MROH1: variants seen among roughly 807,000 people sequenced by gnomAD.
The protein encoded by MROH1 is maestro heat like repeat family member 1, also known as maestro heat-like repeat-containing protein family member 1.
A neutral mutation model predicts 116.5 loss-of-function variants in MROH1; 117 were observed. That is an observed-to-expected ratio of 1.00 (90% confidence interval 0.86 to 1.17). The LOEUF (loss-of-function observed/expected upper bound fraction) is 1.17, where lower values mean the gene tolerates loss of function less well. Ranked by LOEUF, MROH1 falls within the 50% of genes most tolerant of loss-of-function variation. The probability of loss-of-function intolerance (pLI) is 0.00; values close to 1 mark genes in which losing one functional copy is unlikely to be tolerated. For synonymous variants in MROH1, 921 were observed against 583.9 expected, an observed-to-expected ratio of 1.58 and a Z score of -8.32; for missense variants, 1,873 against 1,338.5, an observed-to-expected ratio of 1.40 and a Z score of -6.23.
intron 20 of MROH1, 45 bp from the exon 21 acceptor site, chr8:144,240,947 G>T (rs1458481888): frequency 2.8e-6 from 2 of 719,344 alleles, no homozygotes; most frequent in Non-Finnish European, 2.6e-6. Flanking sequence ...GGGTCTCCCT[G>T]TACTCAGGAG....
At chr8:144,236,651 G>A (rs1268104273) in intron 14 of MROH1, among the ~76,000 whole-genome samples, 2 of 151,834 alleles carry the variant, frequency 1.3e-5, no homozygotes, top group Non-Finnish European at 2.9e-5. Flanking sequence ...GCTGAGGGAG[G>A]AGAATTGCTT....
At chr8:144,200,376 A>G in intron 11 of MROH1, 52 bp from the exon 12 acceptor site, 7 of 1,397,840 alleles carry the variant, frequency 5.0e-6, no homozygotes, top group Non-Finnish European at 6.8e-6. Flanking sequence ...GACGCTGTGT[A>G]TAGGGATGAA....
chr8:144,160,734 A>C (rs1819310851), intron 1 of MROH1, among the ~76,000 whole-genome samples: 1 of 135,986 alleles, frequency 7.4e-6, no homozygotes, highest in South Asian at 2.2e-4. Flanking sequence ...GAACCCAGGC[A>C]CCAGACAAAT....
chr8:144,237,041 G>T (rs1276672716), intron 14 of MROH1, among the ~76,000 whole-genome samples: 4 of 151,258 alleles, frequency 2.6e-5, no homozygotes, highest in African/African-American at 9.7e-5. Context: ...GAGTAGCTGG[G>T]ACTACAGGCG....
intron 33 of MROH1, chr8:144,251,984 C>T (rs1451072529): frequency 3.6e-5 from 8 of 222,116 alleles, no homozygotes; most frequent in African/African-American, 1.2e-4. Context: ...CTTCCTCTGC[C>T]GGGCAGTGCC....
intron 14 of MROH1, among the ~76,000 whole-genome samples, chr8:144,232,497 T>C (rs1186680290): frequency 3.3e-5 from 5 of 151,504 alleles, no homozygotes; most frequent in Non-Finnish European, 7.4e-5. Context: ...TTTATTTATT[T>C]ATTTATTTAT....
intron 3 of MROH1, among the ~76,000 whole-genome samples, chr8:144,166,490 G>T (rs986902359): frequency 5.9e-5 from 9 of 152,186 alleles, no homozygotes; most frequent in African/African-American, 2.2e-4. Context: ...CTCCCTTAAG[G>T]CTGACTGTGT....
At chr8:144,206,468 G>A (rs1832833839) in intron 12 of MROH1, among the ~76,000 whole-genome samples, 1 of 150,734 alleles carries the variant, frequency 6.6e-6, no homozygotes, top group African/African-American at 2.4e-5. Flanking sequence ...TGTTGCCCAG[G>A]CTGGAAGGTA....
chr8:144,240,466 G>A lies in MROH1; in HGVS notation c.1828-104G>A, dbSNP rs1051071199. ...CCGCCCCCGGCCTCCGCTGGAAGGC[G>A]GTCTGCAGCCCCTGCAGCCACAGCA... On this transcript the variant is annotated intron_variant, in intron 19 of 43. Coordinates refer to ENST00000326134, the MANE Select transcript of MROH1 (RefSeq NM_032450.3). 2.6e-3 allele frequency: 1,835 copies of A among 702,550 alleles called. 24 individuals carry two copies. In the African/African-American group the frequency reaches 0.028, roughly 11 times the overall value. The allele number at this position is 702,550 out of a possible 1,614,324, so 43.5% of individuals were successfully genotyped here.
chr8:144,232,914 C>A (rs1564530708), intron 14 of MROH1, among the ~76,000 whole-genome samples: 2 of 151,928 alleles, frequency 1.3e-5, no homozygotes, highest in Non-Finnish European at 2.9e-5. Context: ...GCAGCCTCAA[C>A]CTCGCAGGCT....
At chr8:144,223,518 C>T (rs73717815) in intron 14 of MROH1, among the ~76,000 whole-genome samples, 2,298 of 152,250 alleles carry the variant, frequency 0.015, 48 homozygotes, top group African/African-American at 0.052. Flanking sequence ...CAGGCACATG[C>T]GTGCCTGGCT....
intron 12 of MROH1, among the ~76,000 whole-genome samples, chr8:144,219,832 G>A (rs115400616): frequency 2.4e-4 from 36 of 152,344 alleles, no homozygotes; most frequent in Non-Finnish European, 2.5e-4. Context: ...TGAGGAGCCA[G>A]GGTATGGGGT....
intron 12 of MROH1, among the ~76,000 whole-genome samples, chr8:144,214,962 A>C (rs574592634): frequency 1.3e-5 from 2 of 152,318 alleles, no homozygotes; most frequent in East Asian, 3.9e-4. Context: ...AGAAAGATGC[A>C]GGCTGGGAGG....
chr8:144,244,653 G>T, intron 28 of MROH1, 114 bp downstream of exon 28: 2 of 692,494 alleles, frequency 2.9e-6, no homozygotes. Context: ...GGTGCTCTCT[G>T]CACTTGGGGG....
At chr8:144,241,931 C>T (rs895817163) in intron 22 of MROH1, among the ~76,000 whole-genome samples, 3 of 152,230 alleles carry the variant, frequency 2.0e-5, no homozygotes, top group African/African-American at 7.2e-5. Flanking sequence ...TCCTGTCTCC[C>T]GTAACTGTCC....
intron 14 of MROH1, among the ~76,000 whole-genome samples, chr8:144,234,033 G>A (rs1469554801): frequency 3.3e-5 from 5 of 152,026 alleles, no homozygotes; most frequent in East Asian, 3.9e-4. Flanking sequence ...TTTTTGAGAC[G>A]GAGTCTTGCT....
chr8:144,168,572 C>A (rs902286403), intron 4 of MROH1, 132 bp downstream of exon 4: 2 of 1,060,262 alleles, frequency 1.9e-6, no homozygotes, highest in Non-Finnish European at 2.7e-6. Flanking sequence ...ATGTCTAACC[C>A]CCTCCACACG....
intron 1 of MROH1, among the ~76,000 whole-genome samples, chr8:144,151,830 G>A (rs1228922719): frequency 1.3e-5 from 2 of 152,190 alleles, no homozygotes; most frequent in Non-Finnish European, 2.9e-5. Context: ...GAAGCAATTC[G>A]CACCAACGTC....
Position 144,261,816 on chromosome 8 carries a change from A to T in MROH1, c.*76A>T. 4 of 700,772 alleles carry T rather than the reference A, an allele frequency of 5.7e-6. No individual in the cohort carries two copies. The South Asian group carries it at 5.9e-5, about 10-fold the overall frequency. 43.4% of individuals were successfully genotyped at this position (700,772 alleles called of 1,614,324 possible). A position where few individuals can be genotyped will look rare whatever the true frequency, so the allele number is the denominator to read the frequency against. ...AGCTCCAAGACAGGGCCTCCTGAGG[A>T]CCACAGCCTGGGCACACGACTGGAG... On this transcript the variant is annotated 3_prime_UTR_variant, in exon 44 of 44. Coordinates refer to ENST00000326134, the MANE Select transcript of MROH1 (RefSeq NM_032450.3).
Sources: allele counts gnomAD v4.1 joint callset (sites outside exome capture counted in the v4.1 genomes callset), GRCh38; gene constraint gnomAD v4.1.1; transcripts MANE v1.5; gene names NCBI Gene and HGNC (gene_info 2026-07-23, HGNC 2026-07-21).